Variants in PHF20L1 observed in about 807,000 individuals in gnomAD.
PHF20L1 encodes PHD finger protein 20 like 1, also known as PHD finger protein 20-like protein 1.
PHF20L1 carries 44 observed loss-of-function variants against 125.5 expected under a neutral mutation model. The ratio of observed to expected loss-of-function variants is 0.35; its 90% CI spans 0.28 to 0.45. PHF20L1 has a LOEUF of 0.45. Among genes scored for constraint, PHF20L1 ranks in the 20% least tolerant of loss-of-function variants. The pLI is 1.00. For synonymous variants in PHF20L1, 380 were observed against 403.1 expected, an observed-to-expected ratio of 0.94 and a Z score of 0.69; for missense variants, 1,012 against 1,217.2, an observed-to-expected ratio of 0.83 and a Z score of 2.51.
At chr8:132,800,946 A>G (rs912849509) in intron 6 of PHF20L1, among the ~76,000 whole-genome samples, 1 of 151,346 alleles carries the variant, frequency 6.6e-6, no homozygotes, top group Non-Finnish European at 1.5e-5. Flanking sequence ...TTTTCTCCCT[A>G]CCTACAGTTT....
intron 2 of PHF20L1, among the ~76,000 whole-genome samples, chr8:132,780,676 A>G (rs1656949764): frequency 6.6e-6 from 1 of 152,146 alleles, no homozygotes; most frequent in South Asian, 2.1e-4. Context: ...AGGGAGGAGC[A>G]GGAATGCAAA....
intron 12 of PHF20L1, among the ~76,000 whole-genome samples, chr8:132,822,461 A>G (rs957443147): frequency 2.6e-5 from 4 of 151,992 alleles, no homozygotes; most frequent in African/African-American, 9.7e-5. Flanking sequence ...CTAAGAGGCA[A>G]TGATCACTGT....
chr8:132,799,021 A>G, intron 5 of PHF20L1, 74 bp from the exon 6 acceptor site: 2 of 1,356,942 alleles, frequency 1.5e-6, no homozygotes, highest in East Asian at 4.9e-5. Flanking sequence ...AGACTGTAAA[A>G]TAAATTATAC....
At chr8:132,791,323 G>A (rs1230776932) in intron 2 of PHF20L1, among the ~76,000 whole-genome samples, 3 of 146,470 alleles carry the variant, frequency 2.0e-5, no homozygotes, top group South Asian at 2.1e-4. Flanking sequence ...GTGCGATCTC[G>A]GCTCACTGCA....
chr8:132,798,869 G>T lies in PHF20L1; in HGVS notation c.429+9G>T, dbSNP rs767569390. 6.3e-7 allele frequency: 1 copy of T among 1,576,590 alleles called. No homozygotes were observed. Among genetic ancestry groups the T allele is most frequent in the South Asian group, 1.1e-5 (1 of 89,196 alleles). On this transcript the variant is annotated intron_variant, in intron 5 of 20. Coordinates refer to ENST00000395386, the MANE Select transcript of PHF20L1 (RefSeq NM_016018.5). ...AGGATGCTAAGGGGCAGGTAAGAGT[G>T]TTCAGTATTCCTAGCTACCCAAAGG...
chr8:132,811,816 A>G (rs570229757), intron 9 of PHF20L1: 1 of 984,986 alleles, frequency 1.0e-6, no homozygotes, highest in Non-Finnish European at 1.2e-6. Flanking sequence ...AGTAATAGCC[A>G]TAACTGGATT....
intron 2 of PHF20L1, among the ~76,000 whole-genome samples, chr8:132,780,932 C>A (rs557223121): frequency 4.5e-4 from 68 of 150,438 alleles, no homozygotes; most frequent in African/African-American, 1.7e-3. Flanking sequence ...AAAACCTCTA[C>A]CTCCTGGGCT....
intron 18 of PHF20L1, among the ~76,000 whole-genome samples, 168 bp downstream of exon 18, chr8:132,839,750 G>T (rs185385234): frequency 2.0e-5 from 3 of 152,096 alleles, no homozygotes; most frequent in African/African-American, 7.2e-5. Flanking sequence ...TTTTGGATGC[G>T]TTGGTGCTTC....
intron 9 of PHF20L1, chr8:132,812,194 C>T (rs1442914843): frequency 4.1e-6 from 4 of 978,190 alleles, no homozygotes; most frequent in Non-Finnish European, 4.9e-6. Flanking sequence ...ACTTTTTTTA[C>T]TGTGTATTAC....
chr8:132,775,878 C>T (rs1223363192), intron 1 of PHF20L1, among the ~76,000 whole-genome samples: 1 of 152,182 alleles, frequency 6.6e-6, no homozygotes, highest in African/African-American at 2.4e-5. Context: ...CCCTGCCAGC[C>T]CTGTCAGCCT....
At chr8:132,817,687 G>C (rs1835130864) in intron 12 of PHF20L1, 142 bp downstream of exon 12, 1 of 616,784 alleles carries the variant, frequency 1.6e-6, no homozygotes, top group Admixed American at 3.0e-5. Context: ...ATTTATAGGA[G>C]AGTTTCATCT....
At chr8:132,784,702 C>G (rs1477877316) in intron 2 of PHF20L1, among the ~76,000 whole-genome samples, 1 of 152,092 alleles carries the variant, frequency 6.6e-6, no homozygotes, top group African/African-American at 2.4e-5. Context: ...GGGCATGAAA[C>G]CTTTTGGCTC....
At chr8:132,807,503 G>T (rs1052284809) in intron 8 of PHF20L1, 2 of 276,662 alleles carry the variant, frequency 7.2e-6, no homozygotes, top group South Asian at 3.4e-5. Context: ...GTAACTTAAG[G>T]AATTTAAAAA....
At chr8:132,815,427 G>T (rs182987112) in intron 10 of PHF20L1, 2 of 151,250 alleles carry the variant, frequency 1.3e-5, no homozygotes, top group South Asian at 4.2e-4. Context: ...AGTCTTTTTC[G>T]AAAACACCTT....
chr8:132,842,585 G>A lies in PHF20L1; in HGVS notation c.2458G>A (p.Ala820Thr). The change falls in exon 19 of 21, where the codon GCT becomes ACT. Residue 820 changes from alanine to threonine, a missense_variant. Physicochemically the swap from Ala to Thr is moderately conservative, Grantham distance 58 (BLOSUM62 0). This residue lies in a region of PHF20L1 where 277 missense variants were observed against 283.6 expected (regional missense o/e 0.98). Coordinates refer to ENST00000395386, the MANE Select transcript of PHF20L1 (RefSeq NM_016018.5). ...GCGAAAAGACCAAGATCAAATAATAGCTGGGGTGGAGAAAAAAATAGCTCA... is the reference window on the plus strand; with the variant it reads ...GCGAAAAGACCAAGATCAAATAATAACTGGGGTGGAGAAAAAAATAGCTCA... ...GKRKDQDQII[A>T]GVEKKIAQDT... 6.2e-7 allele frequency: 1 copy of A among 1,612,676 alleles called. No individual in the cohort carries two copies. Among genetic ancestry groups the A allele is most frequent in the South Asian group, 1.1e-5 (1 of 90,974 alleles).
intron 1 of PHF20L1, 31 bp from the exon 2 acceptor site, chr8:132,777,761 A>T: frequency 1.0e-6 from 1 of 980,476 alleles, no homozygotes; most frequent in Non-Finnish European, 1.6e-6. Context: ...CATTTTCTGC[A>T]TTGGAATCTA....
chr8:132,823,901 AAGAGTCTTACAT>A, intron 12 of PHF20L1, 91 bp from the exon 13 acceptor site: 1 of 630,060 alleles, frequency 1.6e-6, no homozygotes, highest in Non-Finnish European at 2.7e-6. Context: ...TTAGGAGAAA[AAGAGTCTTACAT>A]AGAGTTTTAT....
rs1245983772 is a variant in PHF20L1, at chr8:132,837,799, C to T, written c.2179C>T (p.Arg727Trp). The part of the protein sequence containing the change: ...IPEQYICYIC[R>W]DPPGQRWSAK... Reference sequence around the variant, plus strand: ...AGAGCAGTACATCTGCTATATCTGCCGGGACCCACCAGGTAAGGCTTTCTG... The same window carrying T: ...AGAGCAGTACATCTGCTATATCTGCTGGGACCCACCAGGTAAGGCTTTCTG... The change falls in exon 17 of 21, where the codon CGG becomes TGG. Residue 727 changes from arginine (R) to tryptophan (W), a missense_variant. Physicochemically the swap from Arg to Trp is moderately radical, Grantham distance 101. This residue lies in a region of PHF20L1 where 55 missense variants were observed against 114.8 expected (regional missense o/e 0.48). Coordinates refer to ENST00000395386, the MANE Select transcript of PHF20L1 (RefSeq NM_016018.5). 3.1e-6 allele frequency: 5 copies of T among 1,611,270 alleles called. No individual in the cohort carries two copies. The highest frequency in any genetic ancestry group is 1.7e-5 in the Admixed American group (1 of 59,864).
At chr8:132,814,959 A>G in intron 10 of PHF20L1, 70 bp downstream of exon 10, 1 of 1,206,724 alleles carries the variant, frequency 8.3e-7, no homozygotes, top group Non-Finnish European at 1.1e-6. Flanking sequence ...GATTGTAGTT[A>G]TATTGTATTT....
Sources: allele counts gnomAD v4.1 joint callset (sites outside exome capture counted in the v4.1 genomes callset), GRCh38; gene constraint gnomAD v4.1.1; regional missense constraint gnomAD v4.1.1; transcripts MANE v1.5; gene names NCBI Gene and HGNC (gene_info 2026-07-23, HGNC 2026-07-21).